TTN: variants seen among roughly 807,000 people sequenced by gnomAD.
The protein encoded by TTN is connectin.
In TTN, 1,525 loss-of-function variants were observed where a neutral mutation model predicts 3,223.0. The ratio of observed to expected loss-of-function variants is 0.47; its 90% CI spans 0.45 to 0.49. The LOEUF is 0.49. Among genes scored for constraint, TTN ranks in the 20% least tolerant of loss-of-function variants. The probability of loss-of-function intolerance (pLI) is 0.00; values close to 1 mark genes in which losing one functional copy is unlikely to be tolerated. For synonymous variants in TTN, 14,094 were observed against 15,161.0 expected, an observed-to-expected ratio of 0.93 and a Z score of 5.17; for missense variants, 40,786 against 43,424.0, an observed-to-expected ratio of 0.94 and a Z score of 5.40.
rs575813993 is a variant in TTN, at chr2:178,633,975, A to G, written c.42524T>C (p.Phe14175Ser). Residue 14175 changes from phenylalanine (F) to serine (S), a missense_variant, in exon 231 of 363, where the codon TTC (phenylalanine) becomes TCC (serine). By Grantham distance (155) the Phe-to-Ser change is radical. Coordinates refer to ENST00000589042, the MANE Select transcript of TTN (RefSeq NM_001267550.2). Reference protein sequence around the residue: ...LSHEKMHVVWFKNDAKLHTSR... With the variant: ...LSHEKMHVVWSKNDAKLHTSR... The stretch of plus-strand genomic sequence containing the variant: ...TGTATGGAGTTTGGCATCATTTTTG[A>G]ACCAGACTACATGCATTTTTTCATG... 6.8e-6 allele frequency: 11 copies of G among 1,613,254 alleles called. No homozygotes were observed. The African/African-American group carries it at 1.5e-4, about 22-fold the overall frequency.
rs1198056349 is a variant in TTN, at chr2:178,565,397, G to T, written c.80735C>A (p.Ser26912Tyr). The T allele has an allele frequency of 6.2e-7, 1 of 1,613,530 alleles. No individual in the cohort carries two copies. Among genetic ancestry groups the T allele is most frequent in the East Asian group, 2.2e-5 (1 of 44,824 alleles). The change falls in exon 326 of 363, where the codon TCT (serine) becomes TAT (tyrosine). Residue 26912 changes from serine to tyrosine, a missense_variant. Transcript: ENST00000589042. ...PVIGRPRPNI[S>Y]WVKDGEPLKQ... is the part of the protein sequence containing the mutation. ...AAGAGGCTCACCATCTTTGACCCAA[G>T]AAATGTTAGGTCTTGGTCGGCCTAT...
chr2:178,682,593 T>G, intron 135 of TTN, 104 bp downstream of exon 135: 1 of 1,145,856 alleles, frequency 8.7e-7, no homozygotes, highest in South Asian at 1.9e-5. Context: ...TTTCCAAATT[T>G]CTTTGGGTAT....
chr2:178,573,905 A>T lies in TTN; in HGVS notation c.72227T>A (p.Leu24076Ter), dbSNP rs1575780854. The T allele has an allele frequency of 6.2e-7, 1 of 1,611,376 alleles. No homozygotes were observed. ...DGKELEGTAK[L>*]EIKIADFSTN... ...AGAGAAATCTGCAATTTTTATTTCT[A>T]ACTTTGCTGTGCCTTCCAGCTCTTT... Residue 24076 changes from leucine (L) to a stop codon, truncating the protein, a stop_gained, in exon 326 of 363, where the codon TTA becomes TAA. Transcript: ENST00000589042. LOFTEE classifies it high-confidence loss of function.
intron 47 of TTN, chr2:178,745,845 C>T: frequency 6.2e-7 from 1 of 1,613,058 alleles, no homozygotes; most frequent in Non-Finnish European, 8.5e-7. Context: ...TCAGAAATAC[C>T]TTTGATAAAC....
intron 114 of TTN, 29 bp from the exon 115 acceptor site, chr2:178,695,439 G>A (rs2073489297): frequency 1.3e-6 from 2 of 1,586,176 alleles, no homozygotes; most frequent in Non-Finnish European, 8.7e-7. Context: ...AATAAGAAGG[G>A]ATGCTTAAAT....
Position 178,792,360 on chromosome 2 carries a change from C to T in TTN, c.1537-163G>A, listed in dbSNP as rs985324755. ...TCCCATGTTCATAAATAAGATCATG[C>T]TCTTTCTCTCCTTAAACTGTAAATT... On this transcript the variant is annotated intron_variant, in intron 9 of 362. Transcript: ENST00000589042. 9.9e-5 allele frequency among the ~76,000 whole-genome samples: 15 copies of T among 152,098 alleles called. 1 individual carries two copies. Among genetic ancestry groups the T allele is most frequent in the African/African-American group, 2.9e-4 (12 of 41,454 alleles).
At position 178,577,768 on chromosome 2, in the gene TTN, C is replaced by T; in HGVS notation, c.68658G>A (p.Lys22886=). Residue 22886 remains lysine, a synonymous_variant, in exon 323 of 363, where the codon AAG becomes AAA. Transcript: ENST00000589042. Reference sequence around the variant, plus strand: ...TAACATGGTTGGCTTTCATCCAAGACTTCGAAGGTAGATCTCGCTTCTCCA... The same window carrying T: ...TAACATGGTTGGCTTTCATCCAAGATTTCGAAGGTAGATCTCGCTTCTCCA... ...YIVEKRDLPS[K]SWMKANHVNV... is the part of the protein sequence containing the mutation. The T allele has an allele frequency of 1.2e-6, 2 of 1,613,352 alleles. No homozygotes were observed. The highest frequency in any genetic ancestry group is 1.7e-5 in the Admixed American group (1 of 59,996).
At position 178,802,448 on chromosome 2, in the gene TTN, G is replaced by A; in HGVS notation, c.92-107C>T. Reference sequence around the variant, plus strand: ...TGTCCGAATCTGTAAAAGCTTTCCAGCATGGAATGCCACTTAATGATAGGG... The same window carrying A: ...TGTCCGAATCTGTAAAAGCTTTCCAACATGGAATGCCACTTAATGATAGGG... On this transcript the variant is annotated intron_variant, in intron 2 of 362. Transcript: ENST00000589042. 20 of 1,250,370 alleles carry A rather than the reference G, an allele frequency of 1.6e-5. No individual in the cohort carries two copies. The South Asian group carries it at 2.5e-4, about 15-fold the overall frequency. 77.5% of individuals were successfully genotyped at this position (1,250,370 alleles called of 1,614,324 possible).
chr2:178,631,292 G>C lies in TTN; in HGVS notation c.43756C>G (p.Pro14586Ala), dbSNP rs2059766641. Residue 14586 changes from proline to alanine, a missense_variant, in exon 237 of 363, where the codon CCA (proline) becomes GCA (alanine). Coordinates refer to ENST00000589042, the MANE Select transcript of TTN (RefSeq NM_001267550.2). The part of the protein sequence containing the change: ...EAKLTVLEGD[P>A]YFTGKLQDYT... ...TCTTGAAGTTTTCCTGTAAAATATGGGTCTCCCTCTGCAAGTAAAGTATAA... is the reference window on the plus strand; with the variant it reads ...TCTTGAAGTTTTCCTGTAAAATATGCGTCTCCCTCTGCAAGTAAAGTATAA... 2.5e-6 allele frequency: 4 copies of C among 1,606,634 alleles called. No homozygotes were observed. The highest frequency in any genetic ancestry group is 3.4e-6 in the Non-Finnish European group (4 of 1,177,686).
At chr2:178,622,519 G>T in intron 243 of TTN, 151 bp downstream of exon 243, 1 of 612,942 alleles carries the variant, frequency 1.6e-6, no homozygotes. Context: ...AGCAATTAAA[G>T]TCAAGAATAC....
chr2:178,684,618 A>C (rs2070341156), intron 131 of TTN, 48 bp downstream of exon 131: 2 of 1,564,404 alleles, frequency 1.3e-6, no homozygotes, highest in Non-Finnish European at 1.7e-6. Flanking sequence ...GAGAGAAAGA[A>C]AGACAAGCCA....
chr2:178,711,835 G>A (rs1350936192), intron 96 of TTN, 109 bp downstream of exon 96: 1 of 1,354,036 alleles, frequency 7.4e-7, no homozygotes, highest in African/African-American at 1.5e-5. Flanking sequence ...TACTTAAGCA[G>A]AATTTTAAGC....
intron 43 of TTN, among the ~76,000 whole-genome samples, chr2:178,760,364 T>C (rs867220260): frequency 3.3e-4 from 50 of 152,086 alleles, no homozygotes; most frequent in African/African-American, 1.2e-3. Context: ...ACCTAGTCTC[T>C]CCTGAAAATA....
Position 178,542,776 on chromosome 2 carries a change from T to C in TTN, c.97078A>G (p.Lys32360Glu). 6.2e-7 allele frequency: 1 copy of C among 1,613,826 alleles called. No individual in the cohort carries two copies. The highest frequency in any genetic ancestry group is 8.5e-7 in the Non-Finnish European group (1 of 1,179,784). Residue 32360 changes from lysine to glutamate, a missense_variant, in exon 348 of 363, where the codon AAA becomes GAA. Coordinates refer to ENST00000589042, the MANE Select transcript of TTN (RefSeq NM_001267550.2). ...SERVTVETHT[K>E]VAKLTIRETT... ...TCACGGATGGTTAATTTAGCTACTT[T>C]AGTGTGAGTTTCAACTGTGACACGC...
At position 178,584,332 on chromosome 2, in the gene TTN, G is replaced by C. The variant is rs2048460076; in HGVS notation, c.65219C>G (p.Ala21740Gly). 1 of 1,606,484 alleles carries C rather than the reference G, an allele frequency of 6.2e-7. No individual in the cohort carries two copies. Among genetic ancestry groups the C allele is most frequent in the African/African-American group, 1.3e-5 (1 of 74,754 alleles). Residue 21740 changes from alanine to glycine, a missense_variant, in exon 311 of 363, where the codon GCT becomes GGT. By Grantham distance (60) the Ala-to-Gly change is moderately conservative. Transcript: ENST00000589042. ...YSFRIYALNK[A>G]GSSPPSKPTE... ...GGGTTTGCTGGGTGGGCTGGATCCAGCTTTGTTTAGGGCATAGATTCTGAA... is the reference window on the plus strand; with the variant it reads ...GGGTTTGCTGGGTGGGCTGGATCCACCTTTGTTTAGGGCATAGATTCTGAA...
chr2:178,783,989 A>G, intron 16 of TTN, 81 bp downstream of exon 16: 1 of 1,605,164 alleles, frequency 6.2e-7, no homozygotes, highest in Non-Finnish European at 8.5e-7. Context: ...TCCACTGGCT[A>G]CTTTTCAGTA....
chr2:178,675,552 A>G, intron 149 of TTN, 119 bp downstream of exon 149: 1 of 817,852 alleles, frequency 1.2e-6, no homozygotes, highest in Non-Finnish European at 1.7e-6. Flanking sequence ...AAGAGTCAGA[A>G]ATGACGAATG....
rs971543383 is a variant in TTN, at chr2:178,717,637, T to A, written c.25237A>T (p.Asn8413Tyr). The A allele has an allele frequency of 1.2e-6, 2 of 1,613,226 alleles. No homozygotes were observed. Among genetic ancestry groups the A allele is most frequent in the African/African-American group, 1.3e-5 (1 of 74,882 alleles). The change falls in exon 87 of 363, where the codon AAT becomes TAT. Residue 8413 changes from asparagine to tyrosine, a missense_variant. Asn to Tyr is a moderately radical substitution (Grantham distance 143). Transcript: ENST00000589042. ...TGTAAAATCTGAAGAGTTGCTACATTATGAACAAAAGATGTCTGCAAATTA... is the reference window on the plus strand; with the variant it reads ...TGTAAAATCTGAAGAGTTGCTACATAATGAACAAAAGATGTCTGCAAATTA... ...DANLQTSFVHNVATLQILQTD... is the reference protein window; with the variant it reads ...DANLQTSFVHYVATLQILQTD...
Position 178,599,778 on chromosome 2 carries a change from A to G in TTN, c.56123T>C (p.Ile18708Thr). The change falls in exon 289 of 363, where the codon ATT becomes ACT. Residue 18708 changes from isoleucine to threonine, a missense_variant. Transcript: ENST00000589042. ...TAGTGTCGGGAATGGCACACCTTTA[A>G]TTTTGGCCACAATGTTAACATTGGT... ...EGTNVNIVAK[I>T]KGVPFPTLTW... 1 of 1,611,456 alleles carries G rather than the reference A, an allele frequency of 6.2e-7. No individual in the cohort carries two copies. Among genetic ancestry groups the G allele is most frequent in the Non-Finnish European group, 8.5e-7 (1 of 1,178,888 alleles).
Sources: allele counts gnomAD v4.1 joint callset (sites outside exome capture counted in the v4.1 genomes callset), GRCh38; gene constraint gnomAD v4.1.1; transcripts MANE v1.5; gene names NCBI Gene and HGNC (gene_info 2026-07-23, HGNC 2026-07-21).